The following INTS10 variants were observed in gnomAD, a reference collection of about 807,000 sequenced individuals.
INTS10 encodes the protein chromosome 8 open reading frame 35.
A neutral mutation model predicts 94.4 loss-of-function variants in INTS10; 44 were observed. The ratio of observed to expected loss-of-function variants is 0.47; its 90% CI spans 0.37 to 0.60. The LOEUF (loss-of-function observed/expected upper bound fraction) is 0.60. INTS10 is among the 20% of genes least tolerant of loss of function. The pLI is 0.00. For missense variants in INTS10, 797 were observed against 868.7 expected, an observed-to-expected ratio of 0.92 and a Z score of 1.04; for synonymous variants, 341 against 320.7, an observed-to-expected ratio of 1.06 and a Z score of -0.68.
chr8:19,817,438 C>G lies in INTS10; in HGVS notation c.-100C>G. 7.4e-7 allele frequency: 1 copy of G among 1,359,416 alleles called. No individual in the cohort carries two copies. The highest frequency in any genetic ancestry group is 2.1e-5 in the Admixed American group (1 of 46,920). The allele number at this position is 1,359,416 out of a possible 1,614,324, so 84.2% of individuals were successfully genotyped here. On this transcript the variant is annotated 5_prime_UTR_variant, in exon 1 of 17. Coordinates refer to ENST00000397977, the MANE Select transcript of INTS10 (RefSeq NM_018142.4). Reference sequence around the variant, plus strand: ...TCCAGACATGCGCAGTAGCCTCCCCCGCGGTGGCGGCGGCGGCGGCGGTGG... The same window carrying G: ...TCCAGACATGCGCAGTAGCCTCCCCGGCGGTGGCGGCGGCGGCGGCGGTGG...
intron 2 of INTS10, chr8:19,818,634 AC>A: frequency 2.5e-6 from 1 of 404,548 alleles, no homozygotes; most frequent in Non-Finnish European, 4.6e-6. Context: ...GTTATAGAGA[AC>A]AAAAAGTGAA....
chr8:19,824,132 C>T (rs888214539), intron 7 of INTS10, 88 bp downstream of exon 7: 26 of 1,205,918 alleles, frequency 2.2e-5, no homozygotes, highest in East Asian at 1.5e-4. Flanking sequence ...CTGTGTAATG[C>T]GTAGGTATAG....
At chr8:19,823,022 C>T (rs1447758674) in intron 5 of INTS10, among the ~76,000 whole-genome samples, 1 of 151,904 alleles carries the variant, frequency 6.6e-6, no homozygotes. Flanking sequence ...AAAGAATATG[C>T]ATAGCTGTAT....
Position 19,851,599 on chromosome 8 carries a change from T to C in INTS10, c.1977-50T>C. 6.3e-7 allele frequency: 1 copy of C among 1,576,304 alleles called. No individual in the cohort carries two copies. The highest frequency in any genetic ancestry group is 8.7e-7 in the Non-Finnish European group (1 of 1,146,640). On this transcript the variant is annotated intron_variant, in intron 16 of 16. Transcript: ENST00000397977. The surrounding 1 kb of genome is among the most constrained non-coding windows in gnomAD (Gnocchi z 5.0). ...CTACCCAAGTAGCAGCGATCAGCGA[T>C]GCTGGTGCTAACCCCTGGTCTTTGT...
chr8:19,819,527 G>A, intron 2 of INTS10, 46 bp from the exon 3 acceptor site: 1 of 1,462,194 alleles, frequency 6.8e-7, no homozygotes, highest in Non-Finnish European at 9.4e-7. Flanking sequence ...TTTGGATACT[G>A]TATAGACTTT....
chr8:19,825,596 G>T (rs943295202), intron 8 of INTS10, among the ~76,000 whole-genome samples: 2 of 151,686 alleles, frequency 1.3e-5, no homozygotes, highest in African/African-American at 2.4e-5. Context: ...ATCACAAGAG[G>T]CAAAGATTTA....
intron 10 of INTS10, 41 bp from the exon 11 acceptor site, chr8:19,831,987 C>T: frequency 8.9e-7 from 1 of 1,123,672 alleles, no homozygotes; most frequent in Non-Finnish European, 1.4e-6. Context: ...TGCTTCTTTG[C>T]TGCATATATT....
Position 19,823,342 on chromosome 8 carries a change from C to A in INTS10, c.565C>A (p.Arg189=). The change falls in exon 6 of 17, where the codon CGA becomes AGA. Residue 189 remains arginine (R), a synonymous_variant. Transcript: ENST00000397977. ...TCTAATAATTAACAACCATGATGTT[C>A]GATTACCTGCCAATTTATTGTATAA... ...LPLIINNHDV[R]LPANLLYKYL... The A allele has an allele frequency of 6.2e-7, 1 of 1,605,014 alleles. No homozygotes were observed. The highest frequency in any genetic ancestry group is 1.1e-5 in the South Asian group (1 of 90,864).
chr8:19,818,187 C>T (rs1437438017), intron 1 of INTS10, 88 bp from the exon 2 acceptor site: 1 of 1,273,712 alleles, frequency 7.9e-7, no homozygotes, highest in Admixed American at 1.7e-5. Context: ...GCCCTCCCTT[C>T]CTGCAGGAGG....
At chr8:19,820,094 C>T (rs990336048) in intron 3 of INTS10, among the ~76,000 whole-genome samples, 2 of 152,242 alleles carry the variant, frequency 1.3e-5, no homozygotes, top group African/African-American at 4.8e-5. Context: ...TCAACAAGCA[C>T]ATGCTCTCTA....
intron 10 of INTS10, among the ~76,000 whole-genome samples, chr8:19,831,537 A>T (rs1297149394): frequency 6.6e-6 from 1 of 152,132 alleles, no homozygotes; most frequent in Admixed American, 6.5e-5. Flanking sequence ...AACAAAAACA[A>T]AACTTAGCCA....
At chr8:19,838,781 A>G (rs1433820294) in intron 13 of INTS10, among the ~76,000 whole-genome samples, 1 of 152,194 alleles carries the variant, frequency 6.6e-6, no homozygotes, top group African/African-American at 2.4e-5. Flanking sequence ...TGAACATACA[A>G]AAATCAGTGG....
intron 16 of INTS10, among the ~76,000 whole-genome samples, chr8:19,848,213 T>C (rs759033544): frequency 1.3e-5 from 2 of 152,164 alleles, no homozygotes; most frequent in Admixed American, 6.5e-5. Flanking sequence ...TTACAGACCT[T>C]TTGGGTGGTC....
chr8:19,845,580 A>T, intron 15 of INTS10, 124 bp from the exon 16 acceptor site: 1 of 679,266 alleles, frequency 1.5e-6, no homozygotes, highest in Non-Finnish European at 2.7e-6. Flanking sequence ...CTTATCAGAG[A>T]GAACTGGCAC....
intron 15 of INTS10, chr8:19,845,479 T>G (rs2068498151): frequency 1.8e-6 from 1 of 544,936 alleles, no homozygotes; most frequent in African/African-American, 1.9e-5. Flanking sequence ...AGAATCAGGT[T>G]TTGGCATCAG....
At chr8:19,819,861 G>C (rs555373431) in intron 3 of INTS10, among the ~76,000 whole-genome samples, 185 bp downstream of exon 3, 2 of 152,274 alleles carry the variant, frequency 1.3e-5, no homozygotes, top group East Asian at 3.9e-4. Context: ...CTTCTTTAAA[G>C]GATATGGATT....
At chr8:19,841,806 G>A in intron 13 of INTS10, 1 of 455,854 alleles carries the variant, frequency 2.2e-6, no homozygotes, top group South Asian at 1.6e-5. Context: ...TGTTTTTCAA[G>A]CTGTGAGTTT....
intron 11 of INTS10, among the ~76,000 whole-genome samples, chr8:19,832,419 A>G (rs1427958513): frequency 6.6e-6 from 1 of 152,034 alleles, no homozygotes; most frequent in Non-Finnish European, 1.5e-5. Context: ...AAAATAAAAA[A>G]CTTAGCCAAG....
intron 13 of INTS10, among the ~76,000 whole-genome samples, chr8:19,839,709 AAAAC>A (rs1000312488): frequency 9.2e-5 from 14 of 151,976 alleles, no homozygotes; most frequent in African/African-American, 3.1e-4. Context: ...TCAAAAAACA[AAAAC>A]AAAAAACCCA....
Sources: allele counts gnomAD v4.1 joint callset (sites outside exome capture counted in the v4.1 genomes callset), GRCh38; gene constraint gnomAD v4.1.1; non-coding constraint Gnocchi (gnomAD v3.1); transcripts MANE v1.5; gene names NCBI Gene and HGNC (gene_info 2026-07-23, HGNC 2026-07-21).